Variants in IQCJ observed in about 807,000 individuals in gnomAD.
IQCJ encodes the protein IQ domain-containing protein J.
A neutral mutation model predicts 11.0 loss-of-function variants in IQCJ; 9 were observed. The observed-to-expected ratio is 0.82, with a 90% confidence interval of 0.49 to 1.43. The LOEUF is 1.43. Ranked by LOEUF, IQCJ falls within the 40% of genes most tolerant of loss-of-function variation. The probability of loss-of-function intolerance (pLI) is 0.00; values close to 1 mark genes in which losing one functional copy is unlikely to be tolerated. For synonymous variants in IQCJ, 55 were observed against 51.3 expected (o/e 1.07, Z -0.31); for missense variants, 146 against 133.2 (o/e 1.10, Z -0.47).
In IQCJ at chr3:159,197,478, G is replaced by A. The variant is rs75926357; in HGVS notation, c.10-48365G>A. On this transcript the variant is annotated intron_variant, in intron 1 of 3. Coordinates refer to ENST00000397832, the MANE Select transcript of IQCJ (RefSeq NM_001042706.3). ...AAACACAGGTCTGGCCATGGCATCC[G>A]AGCCTTCCCTGGATCAGCTGGTGAG... Among the ~76,000 whole-genome samples, 7 of 152,226 alleles carry A rather than the reference G, an allele frequency of 4.6e-5. No homozygotes were observed. The East Asian group carries it at 7.7e-4, about 17-fold the overall frequency.
intron 1 of IQCJ, among the ~76,000 whole-genome samples, chr3:159,230,558 C>G (rs1726186287): frequency 6.6e-6 from 1 of 152,096 alleles, no homozygotes; most frequent in Non-Finnish European, 1.5e-5. Flanking sequence ...GTAAGCTTTC[C>G]CTTCCCTAAA....
chr3:159,131,910 C>T (rs1720012612), intron 1 of IQCJ, among the ~76,000 whole-genome samples: 1 of 151,668 alleles, frequency 6.6e-6, no homozygotes, highest in African/African-American at 2.4e-5. Flanking sequence ...CTTTTTATTC[C>T]TTATGGCTTA....
At chr3:159,121,160 G>C (rs1267148037) in intron 1 of IQCJ, among the ~76,000 whole-genome samples, 1 of 147,192 alleles carries the variant, frequency 6.8e-6, no homozygotes, top group Non-Finnish European at 1.5e-5. Context: ...TTTAATTAGG[G>C]TCTTGCACTG....
chr3:159,082,908 G>A (rs1428676358), intron 1 of IQCJ, among the ~76,000 whole-genome samples: 4 of 152,192 alleles, frequency 2.6e-5, no homozygotes, highest in South Asian at 4.1e-4. Context: ...AGAGAAATCT[G>A]ATATCCTTCA....
At chr3:159,211,112 T>A (rs1186003269) in intron 1 of IQCJ, among the ~76,000 whole-genome samples, 1 of 152,232 alleles carries the variant, frequency 6.6e-6, no homozygotes, top group East Asian at 1.9e-4. Flanking sequence ...TTAAATCAAT[T>A]GAAAACTAAA....
At chr3:159,203,850 G>C (rs1724494420) in intron 1 of IQCJ, among the ~76,000 whole-genome samples, 1 of 152,182 alleles carries the variant, frequency 6.6e-6, no homozygotes, top group Admixed American at 6.5e-5. Flanking sequence ...AGGATATTCA[G>C]TCCTTGTGTG....
intron 1 of IQCJ, among the ~76,000 whole-genome samples, chr3:159,126,269 C>T (rs949669839): frequency 2.6e-5 from 4 of 152,160 alleles, no homozygotes; most frequent in Non-Finnish European, 1.5e-5. Context: ...TCTCAGTTTG[C>T]TCATCTAAAA....
intron 1 of IQCJ, among the ~76,000 whole-genome samples, chr3:159,130,614 C>T (rs932566473): frequency 3.3e-5 from 5 of 152,038 alleles, no homozygotes; most frequent in African/African-American, 9.7e-5. Context: ...GTGTACCTTG[C>T]CTGGCATGTA....
chr3:159,113,991 T>C (rs897729095), intron 1 of IQCJ, among the ~76,000 whole-genome samples: 3 of 152,198 alleles, frequency 2.0e-5, no homozygotes, highest in Non-Finnish European at 2.9e-5. Context: ...TTCAGCTCTG[T>C]ACTTGGCTGC....
chr3:159,136,869 C>A (rs1427767715), intron 1 of IQCJ, among the ~76,000 whole-genome samples: 2 of 152,150 alleles, frequency 1.3e-5, no homozygotes, highest in Non-Finnish European at 2.9e-5. Flanking sequence ...ATATTGTTAC[C>A]TTCAAAGTAT....
At chr3:159,235,251 C>T (rs560537092) in intron 1 of IQCJ, among the ~76,000 whole-genome samples, 1 of 152,136 alleles carries the variant, frequency 6.6e-6, no homozygotes, top group Non-Finnish European at 1.5e-5. Context: ...AGTTGTCCTG[C>T]TGTTAAGCTG....
Position 159,096,387 on chromosome 3 carries a change from A to G in IQCJ, c.9+26946A>G, listed in dbSNP as rs1405332873. ...TAGTTTAATTAGATCCCATTTGTCA[A>G]TTTTGTCTTTTGTTGCCATTGCTTT... On this transcript the variant is annotated intron_variant, in intron 1 of 3. Coordinates refer to ENST00000397832, the MANE Select transcript of IQCJ (RefSeq NM_001042706.3). 3.4e-4 allele frequency among the ~76,000 whole-genome samples: 50 copies of G among 146,670 alleles called. No homozygotes were observed. The East Asian group carries it at 5.3e-3, about 16-fold the overall frequency.
intron 1 of IQCJ, among the ~76,000 whole-genome samples, chr3:159,212,609 A>C (rs1412028790): frequency 6.6e-6 from 1 of 152,182 alleles, no homozygotes; most frequent in Non-Finnish European, 1.5e-5. Flanking sequence ...ATTTTAATTT[A>C]CCACTCATAT....
chr3:159,221,033 T>C (rs780299079), intron 1 of IQCJ, among the ~76,000 whole-genome samples: 1 of 152,134 alleles, frequency 6.6e-6, no homozygotes, highest in Non-Finnish European at 1.5e-5. Flanking sequence ...GTTGACAGCA[T>C]TTGAAAAATA....
intron 1 of IQCJ, among the ~76,000 whole-genome samples, chr3:159,095,342 G>C (rs1717655313): frequency 6.6e-6 from 1 of 151,542 alleles, no homozygotes; most frequent in Non-Finnish European, 1.5e-5. Context: ...GACAGATCAA[G>C]AGGAAAATTT....
intron 1 of IQCJ, among the ~76,000 whole-genome samples, chr3:159,161,991 T>C (rs1407337649): frequency 6.6e-6 from 1 of 152,210 alleles, no homozygotes; most frequent in African/African-American, 2.4e-5. Flanking sequence ...TTCTTTTGGC[T>C]TAGGATTGAC....
intron 1 of IQCJ, among the ~76,000 whole-genome samples, chr3:159,167,530 C>G (rs1257254760): frequency 5.9e-5 from 9 of 152,046 alleles, no homozygotes; most frequent in Admixed American, 5.9e-4. Flanking sequence ...AAAATGTTGT[C>G]CTTTACAGAT....
chr3:159,251,030 A>C (rs1277419461), intron 2 of IQCJ, among the ~76,000 whole-genome samples: 4 of 152,142 alleles, frequency 2.6e-5, no homozygotes, highest in Admixed American at 6.5e-5. Flanking sequence ...TGAGTGATTA[A>C]CAATTAATTA....
intron 1 of IQCJ, among the ~76,000 whole-genome samples, chr3:159,144,218 A>G (rs1208548621): frequency 6.6e-6 from 1 of 152,216 alleles, no homozygotes; most frequent in Non-Finnish European, 1.5e-5. Context: ...AAGTGACCCA[A>G]AGAAGCTTGA....
Sources: gnomAD v4.1 joint callset for allele counts (sites outside exome capture counted in the v4.1 genomes callset) on GRCh38, gnomAD v4.1.1 for gene constraint, MANE v1.5 for transcripts, NCBI Gene and HGNC (gene_info 2026-07-23, HGNC 2026-07-21) for gene names.